The following SLC14A2 variants were observed in gnomAD, a reference collection of about 807,000 sequenced individuals.
SLC14A2 encodes urea transporter 2.
In SLC14A2, 91 loss-of-function variants were observed where a neutral mutation model predicts 104.6. The observed-to-expected ratio is 0.87, with a 90% CI of 0.73 to 1.04. SLC14A2 has a LOEUF of 1.04. SLC14A2 is among the 50% of genes least tolerant of loss of function. The pLI is 0.00. For synonymous variants in SLC14A2, 476 were observed against 466.4 expected (o/e 1.02, Z -0.27); for missense variants, 1,189 against 1,156.0 (o/e 1.03, Z -0.41).
chr18:45,631,110 TCTGCCATGCAAGAA>T (rs1403856172), intron 4 of SLC14A2, among the ~76,000 whole-genome samples: 1 of 152,178 alleles, frequency 6.6e-6, no homozygotes, highest in Non-Finnish European at 1.5e-5. Context: ...TCCAGAAGCT[TCTGCCATGCAAGAA>T]CAGCCAACAC....
rs1245712205 is a variant in SLC14A2 at position 45,683,434 on chromosome 18, C to T, written c.*915C>T. The T allele has an allele frequency of 6.6e-6, 1 of 152,058 alleles. No homozygotes were observed. The highest frequency in any genetic ancestry group is 1.5e-5 in the Non-Finnish European group (1 of 68,014). The allele number at this position is 152,058 out of a possible 1,614,324, so 9.4% of individuals were successfully genotyped here. On this transcript the variant is annotated 3_prime_UTR_variant, in exon 20 of 20. Transcript: ENST00000255226. ...TTTAAGTAAAGGACAGAAGGGTTAC[C>T]CAAGAAGAGGCAGGAAAATGTTAAC...
intron 10 of SLC14A2, chr18:45,644,405 T>G: frequency 2.4e-6 from 1 of 416,618 alleles, no homozygotes. Flanking sequence ...TTTCCGGAGT[T>G]AGCAATAAGG....
upstream of SLC14A2, among the ~76,000 whole-genome samples, chr18:45,208,492 C>T (rs1003254463): frequency 2.6e-5 from 4 of 152,046 alleles, no homozygotes; most frequent in East Asian, 1.9e-4. Context: ...TTCATAGGAA[C>T]GTGCAATATG....
intron 1 of SLC14A2, among the ~76,000 whole-genome samples, chr18:45,246,926 A>G (rs980475035): frequency 1.1e-4 from 16 of 152,326 alleles, no homozygotes; most frequent in African/African-American, 3.8e-4. Flanking sequence ...AAGACTTAAC[A>G]GAGATAAGAT....
At chr18:45,524,454 T>A (rs182899652) in intron 2 of SLC14A2, among the ~76,000 whole-genome samples, 239 of 152,206 alleles carry the variant, frequency 1.6e-3, no homozygotes, top group African/African-American at 5.4e-3. Flanking sequence ...GTGCCCTTGA[T>A]GGGGTGTGGG....
intron 1 of SLC14A2, among the ~76,000 whole-genome samples, chr18:45,284,180 T>A (rs1302761033): frequency 6.6e-6 from 1 of 152,230 alleles, no homozygotes; most frequent in African/African-American, 2.4e-5. Flanking sequence ...GGCATTACAG[T>A]GTGTTATACA....
chr18:45,204,495 A>T, the SLC14A2 span, among the ~76,000 whole-genome samples: 9 of 152,210 alleles, frequency 5.9e-5, no homozygotes, highest in Non-Finnish European at 8.8e-5. Context: ...TTATCAGTGC[A>T]TGTAGACTCA....
chr18:45,304,905 T>C (rs1355573705), intron 1 of SLC14A2, among the ~76,000 whole-genome samples: 1 of 152,266 alleles, frequency 6.6e-6, no homozygotes, highest in Non-Finnish European at 1.5e-5. Context: ...CTTTGGCACA[T>C]GAATCATGTC....
At chr18:45,642,196 T>C (rs973701405) in intron 8 of SLC14A2, among the ~76,000 whole-genome samples, 1 of 152,220 alleles carries the variant, frequency 6.6e-6, no homozygotes, top group Non-Finnish European at 1.5e-5. Flanking sequence ...AACAGAAGAC[T>C]AGCGTCTGGA....
At chr18:45,196,339 A>G in the SLC14A2 span, among the ~76,000 whole-genome samples, 7 of 152,152 alleles carry the variant, frequency 4.6e-5, no homozygotes, top group African/African-American at 1.4e-4. Context: ...CTCTCATTCA[A>G]TCGCATGTAT....
the SLC14A2 span, among the ~76,000 whole-genome samples, chr18:45,202,490 C>T: frequency 6.6e-6 from 1 of 152,090 alleles, no homozygotes; most frequent in Non-Finnish European, 1.5e-5. Context: ...TCGTTCTGCT[C>T]AATGTTATCA....
At chr18:45,577,899 A>C (rs563247711) in intron 2 of SLC14A2, among the ~76,000 whole-genome samples, 1 of 152,330 alleles carries the variant, frequency 6.6e-6, no homozygotes, top group African/African-American at 2.4e-5. Flanking sequence ...ATTCAGAAAA[A>C]TAATAAATTA....
intron 1 of SLC14A2, among the ~76,000 whole-genome samples, chr18:45,454,133 C>G (rs1290622742): frequency 2.0e-5 from 3 of 152,134 alleles, no homozygotes; most frequent in Non-Finnish European, 4.4e-5. Flanking sequence ...GCTGGGATTA[C>G]AGGTGTGAGC....
intron 1 of SLC14A2, among the ~76,000 whole-genome samples, chr18:45,281,724 G>A (rs1208013666): frequency 6.6e-6 from 1 of 152,184 alleles, no homozygotes; most frequent in Non-Finnish European, 1.5e-5. Flanking sequence ...GCTAAGGAGG[G>A]TGAAGTCATC....
At chr18:45,238,941 C>T (rs1379118349) in intron 1 of SLC14A2, among the ~76,000 whole-genome samples, 2 of 152,024 alleles carry the variant, frequency 1.3e-5, no homozygotes, top group Admixed American at 1.3e-4. Flanking sequence ...GACAAAGAAG[C>T]ATTAACTACA....
At position 45,682,423 on chromosome 18, in the gene SLC14A2, C is replaced by T. The variant is rs547688601; in HGVS notation, c.2667C>T (p.Val889=). Reference sequence around the variant, plus strand: ...TCTACAAGCTCCCGCTCAGCAAAGTCACCTACCCAGAGGCCAACCGCATCT... The same window carrying T: ...TCTACAAGCTCCCGCTCAGCAAAGTTACCTACCCAGAGGCCAACCGCATCT... The part of the protein sequence containing the change: ...PAIYKLPLSK[V]TYPEANRIYY... Residue 889 remains valine (V), a synonymous_variant, in exon 20 of 20, where the codon GTC becomes GTT. Transcript: ENST00000255226. 1.1e-5 allele frequency: 18 copies of T among 1,614,170 alleles called. No homozygotes were observed. Among genetic ancestry groups the T allele is most frequent in the Non-Finnish European group, 1.5e-5 (18 of 1,180,006 alleles).
chr18:45,350,468 G>A (rs991901359), intron 1 of SLC14A2, among the ~76,000 whole-genome samples: 7 of 152,306 alleles, frequency 4.6e-5, no homozygotes, highest in African/African-American at 1.4e-4. Flanking sequence ...CTGATGGCAG[G>A]ACCAGCACAG....
At chr18:45,604,804 G>A (rs2044842891) in intron 2 of SLC14A2, among the ~76,000 whole-genome samples, 1 of 152,192 alleles carries the variant, frequency 6.6e-6, no homozygotes, top group Non-Finnish European at 1.5e-5. Context: ...GTTTAAAGTA[G>A]ACTTCACAGT....
chr18:45,489,733 A>C (rs1264438390), intron 2 of SLC14A2, among the ~76,000 whole-genome samples: 1 of 152,204 alleles, frequency 6.6e-6, no homozygotes, highest in Non-Finnish European at 1.5e-5. Context: ...TGGAAGATGC[A>C]AAACACTGGA....
Sources: gnomAD v4.1 joint callset for allele counts (sites outside exome capture counted in the v4.1 genomes callset) on GRCh38, gnomAD v4.1.1 for gene constraint, MANE v1.5 for transcripts, NCBI Gene and HGNC (gene_info 2026-07-23, HGNC 2026-07-21) for gene names.